MTHFS: variants seen among roughly 807,000 people sequenced by gnomAD.
MTHFS encodes the protein 5-formyltetrahydrofolate cyclo-ligase.
Under a neutral mutation model 12.7 loss-of-function variants are expected in MTHFS, and 7 were observed. That is an observed-to-expected ratio of 0.55 (90% CI 0.31 to 1.03). The LOEUF is 1.03. MTHFS is among the 50% of genes least tolerant of loss of function. The pLI is 0.05. For missense variants in MTHFS, 252 were observed against 258.1 expected, an observed-to-expected ratio of 0.98 and a Z score of 0.16; for synonymous variants, 100 against 97.1, an observed-to-expected ratio of 1.03 and a Z score of -0.18.
At chr15:79,878,493 C>T (rs559109795) in intron 2 of MTHFS, among the ~76,000 whole-genome samples, 3 of 149,536 alleles carry the variant, frequency 2.0e-5, no homozygotes, top group African/African-American at 7.4e-5. Context: ...TGCTATGCAA[C>T]TCAGATGGCC....
At chr15:79,846,615 C>A (rs1215976403) in intron 2 of MTHFS, among the ~76,000 whole-genome samples, 3 of 152,176 alleles carry the variant, frequency 2.0e-5, no homozygotes, top group African/African-American at 7.2e-5. Context: ...CTGCCAAAAT[C>A]CAGCAAAGCA....
At chr15:79,887,420 A>C (rs540187733) in intron 2 of MTHFS, among the ~76,000 whole-genome samples, 1 of 152,324 alleles carries the variant, frequency 6.6e-6, no homozygotes, top group South Asian at 2.1e-4. Context: ...AACCCAAAGA[A>C]GATGTTCTAG....
chr15:79,845,096 A>T lies in MTHFS; in HGVS notation c.*114T>A. On this transcript the variant is annotated 3_prime_UTR_variant, in exon 3 of 3. Coordinates refer to ENST00000258874, the MANE Select transcript of MTHFS (RefSeq NM_006441.4). ...TTTCATAATTACAATTTTAAAATGCAGTCTGTATTCACATTAATGAACAAT... is the reference window on the plus strand; with the variant it reads ...TTTCATAATTACAATTTTAAAATGCTGTCTGTATTCACATTAATGAACAAT... 2 of 1,322,152 alleles carry T rather than the reference A, an allele frequency of 1.5e-6. No individual in the cohort carries two copies. Among genetic ancestry groups the T allele is most frequent in the Non-Finnish European group, 2.1e-6 (2 of 974,012 alleles). 81.9% of individuals were successfully genotyped at this position (1,322,152 alleles called of 1,614,324 possible).
rs747193529 is a variant in MTHFS, at chr15:79,889,280, T to C, written c.192A>G (p.Thr64=). The change falls in exon 2 of 3, where the codon ACA becomes ACG. Residue 64 remains threonine, a synonymous_variant. Transcript: ENST00000258874. ...IFLSMQDEIE[T]EEIIKDIFQR... The stretch of plus-strand genomic sequence containing the variant: ...GGAAAATGTCCTTGATGATCTCTTC[T>C]GTCTCAATTTCATCTTGCATGCTCA... The C allele has an allele frequency of 1.2e-6, 2 of 1,614,226 alleles. No individual in the cohort carries two copies. The highest frequency in any genetic ancestry group is 2.2e-5 in the South Asian group (2 of 91,086).
rs1015709949 is a variant in MTHFS at position 79,889,228 on chromosome 15, G to A, written c.244C>T (p.Arg82Trp). Reference protein sequence around the residue: ...FQRGKICFIPRYRFQSNHMDM... With the variant: ...FQRGKICFIPWYRFQSNHMDM... ...ATGTGATTGCTCTGGAACCGGTACC[G>A]AGGGATGAAGCAGATTTTGCCTCGT... Residue 82 changes from arginine to tryptophan, a missense_variant, in exon 2 of 3, where the codon CGG (arginine) becomes TGG (tryptophan). Arg to Trp is a moderately radical substitution (Grantham distance 101). Coordinates refer to ENST00000258874, the MANE Select transcript of MTHFS (RefSeq NM_006441.4). The A allele has an allele frequency of 5.0e-6, 8 of 1,614,042 alleles. No homozygotes were observed. The highest frequency in any genetic ancestry group is 5.9e-6 in the Non-Finnish European group (7 of 1,180,034).
intron 2 of MTHFS, among the ~76,000 whole-genome samples, chr15:79,865,700 A>C (rs7177659): frequency 0.5 from 75,878 of 152,014 alleles, 19,223 homozygotes; most frequent in Non-Finnish European, 0.54. Flanking sequence ...ATGGCCATGA[A>C]TCCTAACAAA....
chr15:79,877,868 GA>G (rs35735822), intron 2 of MTHFS: 54,152 of 151,528 alleles, frequency 0.36, 9,897 homozygotes, highest in East Asian at 0.49. Flanking sequence ...ATGCTGAAAG[GA>G]AAAAAAATAC....
rs891284547 is a variant in MTHFS, at chr15:79,896,993, C to T, written c.-5G>A. Reference sequence around the variant, plus strand: ...GCTCACCGCTGCCGCCGCCATCTCACGCCCAAGCCGAGTCCAGTCCCGCCC... The same window carrying T: ...GCTCACCGCTGCCGCCGCCATCTCATGCCCAAGCCGAGTCCAGTCCCGCCC... On this transcript the variant is annotated 5_prime_UTR_variant, in exon 1 of 3. The change creates a new upstream start codon in the 5' untranslated region. Coordinates refer to ENST00000258874, the MANE Select transcript of MTHFS (RefSeq NM_006441.4). 6.5e-7 allele frequency: 1 copy of T among 1,527,024 alleles called. No homozygotes were observed. Among genetic ancestry groups the T allele is most frequent in the East Asian group, 2.5e-5 (1 of 39,804 alleles). The allele number at this position is 1,527,024 out of a possible 1,614,324, so 94.6% of individuals were successfully genotyped here.
intron 2 of MTHFS, among the ~76,000 whole-genome samples, chr15:79,861,832 A>C (rs1011940602): frequency 6.6e-6 from 1 of 152,190 alleles, no homozygotes; most frequent in African/African-American, 2.4e-5. Flanking sequence ...AGGATGCAAA[A>C]CAAAATGTGA....
intron 2 of MTHFS, among the ~76,000 whole-genome samples, chr15:79,850,422 A>T (rs2033694919): frequency 6.6e-6 from 1 of 152,222 alleles, no homozygotes; most frequent in African/African-American, 2.4e-5. Context: ...TAAATAATTT[A>T]GGCTTTGCAG....
chr15:79,887,367 C>T (rs1478902859), intron 2 of MTHFS, among the ~76,000 whole-genome samples: 1 of 152,154 alleles, frequency 6.6e-6, no homozygotes, highest in African/African-American at 2.4e-5. Flanking sequence ...TTGAATAGAA[C>T]CAGAACAAAT....
chr15:79,896,291 G>A (rs2034565858), intron 1 of MTHFS, among the ~76,000 whole-genome samples: 1 of 152,222 alleles, frequency 6.6e-6, no homozygotes, highest in Non-Finnish European at 1.5e-5. Context: ...CTGAGACACA[G>A]CCTTAGCCCT....
intron 2 of MTHFS, among the ~76,000 whole-genome samples, chr15:79,882,280 T>G (rs1184091138): frequency 1.3e-5 from 2 of 151,730 alleles, no homozygotes; most frequent in African/African-American, 4.8e-5. Flanking sequence ...ATAGACATGC[T>G]GACAGTCACT....
At chr15:79,888,985 T>C in intron 2 of MTHFS, 108 bp downstream of exon 2, 2 of 1,473,656 alleles carry the variant, frequency 1.4e-6, no homozygotes, top group Non-Finnish European at 9.0e-7. Flanking sequence ...AAAATACAAA[T>C]TAATCCCTTA....
intron 2 of MTHFS, among the ~76,000 whole-genome samples, chr15:79,847,685 A>G (rs1003227077): frequency 6.6e-6 from 1 of 151,978 alleles, no homozygotes; most frequent in African/African-American, 2.4e-5. Context: ...AAAAAAAAAA[A>G]AAAAAGACTT....
chr15:79,865,828 T>C (rs1434252825), intron 2 of MTHFS, among the ~76,000 whole-genome samples: 3 of 152,188 alleles, frequency 2.0e-5, no homozygotes, highest in Non-Finnish European at 2.9e-5. Context: ...GTGCCTACAA[T>C]AATCGCTTAT....
At chr15:79,875,626 G>C (rs771564459) in intron 2 of MTHFS, among the ~76,000 whole-genome samples, 17 of 151,954 alleles carry the variant, frequency 1.1e-4, no homozygotes, top group Non-Finnish European at 2.2e-4. Flanking sequence ...AAAACTCTTA[G>C]AAAAAAACGG....
At chr15:79,857,626 A>G (rs2033834110) in intron 2 of MTHFS, among the ~76,000 whole-genome samples, 1 of 152,196 alleles carries the variant, frequency 6.6e-6, no homozygotes, top group Admixed American at 6.5e-5. Context: ...GATTTTATAT[A>G]ATGTGCTTTT....
In MTHFS at chr15:79,876,684, T is replaced by A. The variant is rs1439246349; in HGVS notation, c.379+12409A>T. 3 of 147,954 alleles carry A rather than the reference T, an allele frequency of 2.0e-5. No individual in the cohort carries two copies. The Middle Eastern group carries it at 0.011, about 532-fold the overall frequency. 9.2% of individuals were successfully genotyped at this position (147,954 alleles called of 1,614,324 possible). A position where few individuals can be genotyped will look rare whatever the true frequency, so the allele number is the denominator to read the frequency against. ...TAAATGAATATATGACACCAATGACTCAACAAATAAAGAATATCAATGAAG... is the reference window on the plus strand; with the variant it reads ...TAAATGAATATATGACACCAATGACACAACAAATAAAGAATATCAATGAAG... On this transcript the variant is annotated intron_variant, in intron 2 of 2. Coordinates refer to ENST00000258874, the MANE Select transcript of MTHFS (RefSeq NM_006441.4).
Sources: gnomAD v4.1 joint callset for allele counts (sites outside exome capture counted in the v4.1 genomes callset) on GRCh38, gnomAD v4.1.1 for gene constraint, MANE v1.5 for transcripts, NCBI Gene and HGNC (gene_info 2026-07-23, HGNC 2026-07-21) for gene names.